METTL25: variants seen among roughly 807,000 people sequenced by gnomAD.
METTL25 encodes the protein methyltransferase like 25.
A neutral mutation model predicts 71.6 loss-of-function variants in METTL25; 64 were observed. That is an observed-to-expected ratio of 0.89 (90% CI 0.73 to 1.10). The LOEUF (loss-of-function observed/expected upper bound fraction) is 1.10. Ranked by LOEUF, METTL25 falls within the 50% of genes least tolerant of loss-of-function variation. The pLI is 0.00. For synonymous variants in METTL25, 287 were observed against 250.3 expected (o/e 1.15, Z -1.38); for missense variants, 807 against 707.0 (o/e 1.14, Z -1.60).
intron 3 of METTL25, among the ~76,000 whole-genome samples, chr12:82,390,683 G>GA (rs1885487257): frequency 6.6e-6 from 1 of 152,028 alleles, no homozygotes; most frequent in Non-Finnish European, 1.5e-5. Context: ...TAGGCTTGCA[G>GA]AGCCACTTGT....
intron 11 of METTL25, among the ~76,000 whole-genome samples, chr12:82,478,507 T>C (rs1417843206): frequency 2.0e-5 from 3 of 151,618 alleles, no homozygotes; most frequent in Non-Finnish European, 4.4e-5. Flanking sequence ...TTATAACATA[T>C]ATAGTGCATA....
chr12:82,378,852 A>G (rs1884151246), intron 1 of METTL25, among the ~76,000 whole-genome samples: 1 of 152,020 alleles, frequency 6.6e-6, no homozygotes, highest in African/African-American at 2.4e-5. Flanking sequence ...ACATAGTGAG[A>G]CCCTGTCTCT....
chr12:82,424,303 G>A (rs1010914305), intron 5 of METTL25, among the ~76,000 whole-genome samples: 30 of 151,922 alleles, frequency 2.0e-4, no homozygotes, highest in Admixed American at 3.9e-4. Context: ...ACCAAACACC[G>A]CATGTTCTCA....
Position 82,389,880 on chromosome 12 carries a change from A to G in METTL25, c.489A>G (p.Ser163=), listed in dbSNP as rs1885409103. ...MKKSHEVQAM[S]ELISSIADYY... is the part of the protein sequence containing the mutation. Reference sequence around the variant, plus strand: ...AATCTCATGAAGTTCAGGCAATGTCAGAGCTGATCAGCAGTATTGCTGACT... The same window carrying G: ...AATCTCATGAAGTTCAGGCAATGTCGGAGCTGATCAGCAGTATTGCTGACT... The change falls in exon 3 of 12, where the codon TCA becomes TCG. Residue 163 remains serine (S), a synonymous_variant. Coordinates refer to ENST00000248306, the MANE Select transcript of METTL25 (RefSeq NM_032230.3). 1 of 1,601,430 alleles carries G rather than the reference A, an allele frequency of 6.2e-7. No individual in the cohort carries two copies. The highest frequency in any genetic ancestry group is 8.5e-7 in the Non-Finnish European group (1 of 1,170,444).
At chr12:82,448,508 CAG>C (rs1890909452) in intron 8 of METTL25, among the ~76,000 whole-genome samples, 1 of 151,862 alleles carries the variant, frequency 6.6e-6, no homozygotes, top group Non-Finnish European at 1.5e-5. Flanking sequence ...GGAAAGAAAA[CAG>C]GGAAAATCCA....
At chr12:82,454,934 G>C (rs550560609) in intron 8 of METTL25, among the ~76,000 whole-genome samples, 1 of 151,792 alleles carries the variant, frequency 6.6e-6, no homozygotes, top group African/African-American at 2.4e-5. Context: ...TATGTGTTAC[G>C]AAATTTAATC....
intron 5 of METTL25, among the ~76,000 whole-genome samples, chr12:82,429,346 C>T (rs1889299109): frequency 6.7e-6 from 1 of 148,786 alleles, no homozygotes; most frequent in South Asian, 2.1e-4. Context: ...CAGTGACTTC[C>T]GTTTCTACCC....
At chr12:82,424,603 CTA>C (rs1888844803) in intron 5 of METTL25, among the ~76,000 whole-genome samples, 2 of 151,540 alleles carry the variant, frequency 1.3e-5, no homozygotes, top group Non-Finnish European at 2.9e-5. Context: ...TCACAGAAGA[CTA>C]TAGGATTCCA....
intron 5 of METTL25, chr12:82,407,962 C>G: frequency 1.0e-6 from 1 of 985,024 alleles, no homozygotes; most frequent in South Asian, 4.7e-5. Context: ...TGTGAACCAT[C>G]CCATGAAATT....
At chr12:82,408,754 A>G (rs1174152477) in intron 5 of METTL25, among the ~76,000 whole-genome samples, 1 of 152,152 alleles carries the variant, frequency 6.6e-6, no homozygotes, top group Non-Finnish European at 1.5e-5. Flanking sequence ...ATTCCATACT[A>G]AAATACAAAT....
At chr12:82,409,357 A>C (rs2137052581) in intron 5 of METTL25, among the ~76,000 whole-genome samples, 1 of 152,246 alleles carries the variant, frequency 6.6e-6, no homozygotes, top group South Asian at 2.1e-4. Flanking sequence ...TTAATGTTTC[A>C]GTATTTTGAA....
chr12:82,434,957 G>A (rs1565863072), intron 7 of METTL25, among the ~76,000 whole-genome samples: 6 of 151,376 alleles, frequency 4.0e-5, no homozygotes, highest in Admixed American at 3.3e-4. Context: ...TCATTTCTTT[G>A]TATTATACTA....
At chr12:82,409,169 G>A (rs1887350644) in intron 5 of METTL25, among the ~76,000 whole-genome samples, 1 of 152,090 alleles carries the variant, frequency 6.6e-6, no homozygotes, top group African/African-American at 2.4e-5. Context: ...ATGAATGTCA[G>A]TTTTCAAAAA....
chr12:82,438,689 G>A lies in METTL25; in HGVS notation c.1405-29G>A, dbSNP rs372571599. 30 of 1,381,782 alleles carry A rather than the reference G, an allele frequency of 2.2e-5. No homozygotes were observed. In the East Asian group the frequency reaches 2.6e-4, roughly 12 times the overall value. The allele number at this position is 1,381,782 out of a possible 1,614,324, so 85.6% of individuals were successfully genotyped here. ...TTTATTTCTGTTTTTTTTGTTTCTTGTGCTTATATATGTCTACATTTTTTT... is the reference window on the plus strand; with the variant it reads ...TTTATTTCTGTTTTTTTTGTTTCTTATGCTTATATATGTCTACATTTTTTT... On this transcript the variant is annotated intron_variant, in intron 7 of 11. Coordinates refer to ENST00000248306, the MANE Select transcript of METTL25 (RefSeq NM_032230.3).
intron 11 of METTL25, among the ~76,000 whole-genome samples, chr12:82,478,694 A>C (rs1592791896): frequency 6.6e-6 from 1 of 152,042 alleles, no homozygotes; most frequent in East Asian, 1.9e-4. Flanking sequence ...CCAGTTTTTC[A>C]CAACCGTAGC....
Position 82,478,938 on chromosome 12 carries a change from A to G in METTL25, c.1726A>G (p.Ile576Val). 6.2e-7 allele frequency: 1 copy of G among 1,610,652 alleles called. No individual in the cohort carries two copies. The highest frequency in any genetic ancestry group is 8.5e-7 in the Non-Finnish European group (1 of 1,177,638). The change falls in exon 12 of 12, where the codon ATT (isoleucine) becomes GTT (valine). Residue 576 changes from isoleucine to valine, a missense_variant. Ile to Val is a conservative substitution (Grantham distance 29). Coordinates refer to ENST00000248306, the MANE Select transcript of METTL25 (RefSeq NM_032230.3). ...RLCYLKEQEDIAWSALVKLFD... is the reference protein window; with the variant it reads ...RLCYLKEQEDVAWSALVKLFD... Reference sequence around the variant, plus strand: ...ATCACTTATTAATTTACAGGAAGATATTGCATGGTCTGCTCTTGTGAAGTT... The same window carrying G: ...ATCACTTATTAATTTACAGGAAGATGTTGCATGGTCTGCTCTTGTGAAGTT...
At chr12:82,478,760 C>T (rs988784403) in intron 11 of METTL25, among the ~76,000 whole-genome samples, 172 bp from the exon 12 acceptor site, 3 of 151,848 alleles carry the variant, frequency 2.0e-5, no homozygotes, top group African/African-American at 7.2e-5. Context: ...TCAGCATAAA[C>T]TTTTTTGAAG....
chr12:82,446,280 T>C (rs559049896), intron 8 of METTL25, among the ~76,000 whole-genome samples: 2 of 152,122 alleles, frequency 1.3e-5, no homozygotes, highest in African/African-American at 2.4e-5. Flanking sequence ...GACAGAAATA[T>C]AACAAAGAAA....
chr12:82,396,233 C>G (rs1219725131), intron 3 of METTL25, among the ~76,000 whole-genome samples: 1 of 152,084 alleles, frequency 6.6e-6, no homozygotes, highest in African/African-American at 2.4e-5. Flanking sequence ...ATATTCCCAT[C>G]ATTAAGTGAT....
Sources: allele counts gnomAD v4.1 joint callset (sites outside exome capture counted in the v4.1 genomes callset), GRCh38; gene constraint gnomAD v4.1.1; transcripts MANE v1.5; gene names NCBI Gene and HGNC (gene_info 2026-07-23, HGNC 2026-07-21).